The following GPHN variants were observed in gnomAD, a reference collection of about 807,000 sequenced individuals.
The protein encoded by GPHN is gephyrin.
Under a neutral mutation model 95.5 loss-of-function variants are expected in GPHN, and 17 were observed. The observed-to-expected ratio is 0.18, with a 90% CI of 0.12 to 0.27. The LOEUF (loss-of-function observed/expected upper bound fraction) is 0.27, where lower values mean the gene tolerates loss of function less well. GPHN is among the 10% of genes least tolerant of loss of function. The pLI is 1.00. For missense variants in GPHN, 660 were observed against 978.1 expected (o/e 0.67, Z 4.34); for synonymous variants, 320 against 322.5 (o/e 0.99, Z 0.08).
intron 9 of GPHN, among the ~76,000 whole-genome samples, chr14:67,019,597 T>C (rs117454933): frequency 0.012 from 1,832 of 152,342 alleles, 19 homozygotes; most frequent in Non-Finnish European, 0.018. Flanking sequence ...TATATTGTTA[T>C]GAACCTATTC....
chr14:67,182,592 G>T (rs1479138665), downstream of GPHN, among the ~76,000 whole-genome samples: 1 of 152,120 alleles, frequency 6.6e-6, no homozygotes, highest in Non-Finnish European at 1.5e-5. Flanking sequence ...AGAAATATTT[G>T]TTAAGCATCT....
At chr14:67,725,952 C>A in the GPHN span, 8 of 847,358 alleles carry the variant, frequency 9.4e-6, no homozygotes, top group Non-Finnish European at 1.6e-5. Context: ...CCAACAAAGA[C>A]AACTAATGAA....
intron 21 of GPHN, among the ~76,000 whole-genome samples, chr14:67,174,763 A>G (rs1231097152): frequency 6.6e-6 from 1 of 152,076 alleles, no homozygotes; most frequent in African/African-American, 2.4e-5. Flanking sequence ...ACTTTTTATG[A>G]TCACCATTCT....
At chr14:66,862,016 T>C (rs2063043356) in intron 4 of GPHN, among the ~76,000 whole-genome samples, 1 of 151,622 alleles carries the variant, frequency 6.6e-6, no homozygotes, top group Admixed American at 6.6e-5. Context: ...GAATTTGAAA[T>C]GAAGGAAATA....
chr14:67,708,794 CTTTTTTTTT>C, the GPHN span, among the ~76,000 whole-genome samples: 25 of 136,900 alleles, frequency 1.8e-4, no homozygotes, highest in Non-Finnish European at 3.4e-4. Flanking sequence ...TTAATAATAC[CTTTTTTTTT>C]TTTTTTTTGA....
chr14:67,534,422 A>G, the GPHN span, among the ~76,000 whole-genome samples: 1 of 152,152 alleles, frequency 6.6e-6, no homozygotes, highest in Admixed American at 6.5e-5. Context: ...CTACAAATAA[A>G]TAAAAATTTA....
At chr14:66,994,632 A>G (rs2071661408) in intron 9 of GPHN, among the ~76,000 whole-genome samples, 1 of 152,124 alleles carries the variant, frequency 6.6e-6, no homozygotes, top group Non-Finnish European at 1.5e-5. Context: ...CAATGACAAC[A>G]CTCTCAAACT....
intron 2 of GPHN, among the ~76,000 whole-genome samples, chr14:66,768,589 A>G (rs1411036970): frequency 1.3e-5 from 2 of 151,980 alleles, no homozygotes; most frequent in African/African-American, 2.4e-5. Context: ...ACAATTATAA[A>G]CATACATGTA....
intron 2 of GPHN, among the ~76,000 whole-genome samples, chr14:66,725,036 CTCT>C (rs2071090367): frequency 6.6e-6 from 1 of 152,260 alleles, no homozygotes; most frequent in East Asian, 1.9e-4. Flanking sequence ...AAAAGTGTGG[CTCT>C]TCTTATAGGG....
chr14:67,684,862 G>C, the GPHN span: 1 of 530,756 alleles, frequency 1.9e-6, no homozygotes. Flanking sequence ...ACAAAAGAGA[G>C]TCAAATTCCC....
chr14:67,733,472 T>C, the GPHN span, among the ~76,000 whole-genome samples: 15 of 152,228 alleles, frequency 9.9e-5, no homozygotes, highest in Non-Finnish European at 2.1e-4. Flanking sequence ...TATCCTAGAA[T>C]GTCACTTCTG....
At chr14:66,599,148 A>T (rs2062111430) in intron 1 of GPHN, among the ~76,000 whole-genome samples, 2 of 152,090 alleles carry the variant, frequency 1.3e-5, no homozygotes. Context: ...AGTATTAATA[A>T]CGGAGCATAA....
At chr14:67,439,643 A>G in the GPHN span, among the ~76,000 whole-genome samples, 1 of 145,134 alleles carries the variant, frequency 6.9e-6, no homozygotes, top group African/African-American at 2.7e-5. Flanking sequence ...AATAGTTTCT[A>G]AACTCCAGAC....
the GPHN span, among the ~76,000 whole-genome samples, chr14:67,709,408 A>C: frequency 6.6e-6 from 1 of 152,234 alleles, no homozygotes; most frequent in East Asian, 1.9e-4. Flanking sequence ...TGACCATAAG[A>C]TATAACTTTC....
intron 2 of GPHN, among the ~76,000 whole-genome samples, chr14:66,723,119 C>T (rs558661998): frequency 4.9e-4 from 75 of 152,166 alleles, no homozygotes; most frequent in African/African-American, 1.8e-3. Flanking sequence ...GTGGCACAAT[C>T]GTAGATCACT....
chr14:67,681,687 C>CA, the GPHN span, among the ~76,000 whole-genome samples: 3 of 152,264 alleles, frequency 2.0e-5, no homozygotes, highest in East Asian at 5.8e-4. Context: ...GAGGCTGAGA[C>CA]AGGAGAATTG....
intron 6 of GPHN, among the ~76,000 whole-genome samples, chr14:66,916,532 T>G (rs2065916960): frequency 6.6e-6 from 1 of 150,492 alleles, no homozygotes; most frequent in Non-Finnish European, 1.5e-5. Context: ...TTGTTTTTTT[T>G]GCAGTTCATT....
At position 67,141,423 on chromosome 14, in the gene GPHN, A is replaced by G. The variant is rs371397529; in HGVS notation, c.1749-1939A>G. On this transcript the variant is annotated intron_variant, in intron 17 of 22. Transcript: ENST00000478722. ...GTCGAACTTTGCCAGTTTGTTGGGT[A>G]TGTTTGTGTGATTAACTTGTTAACA... Among the ~76,000 whole-genome samples, 6 of 152,322 alleles carry G rather than the reference A, an allele frequency of 3.9e-5. No homozygotes were observed. The South Asian group carries it at 1.0e-3, about 26-fold the overall frequency.
chr14:67,659,885 A>G, the GPHN span: 4 of 1,614,152 alleles, frequency 2.5e-6, no homozygotes, highest in Non-Finnish European at 2.5e-6. Flanking sequence ...TCGGAAAGAC[A>G]GGGGTGCATA....
Sources: gnomAD v4.1 joint callset for allele counts (sites outside exome capture counted in the v4.1 genomes callset) on GRCh38, gnomAD v4.1.1 for gene constraint, MANE v1.5 for transcripts, NCBI Gene and HGNC (gene_info 2026-07-23, HGNC 2026-07-21) for gene names.